The following RARS2 variants were observed in gnomAD, a reference collection of about 807,000 sequenced individuals.
RARS2 encodes probable arginine--tRNA ligase, mitochondrial.
In RARS2, 67 loss-of-function variants were observed where a neutral mutation model predicts 88.5. The ratio of observed to expected loss-of-function variants is 0.76; its 90% CI spans 0.62 to 0.93. The LOEUF (loss-of-function observed/expected upper bound fraction) is 0.93. Among genes scored for constraint, RARS2 ranks in the 40% least tolerant of loss-of-function variants. The pLI is 0.00. For missense variants in RARS2, 664 were observed against 684.2 expected, an observed-to-expected ratio of 0.97 and a Z score of 0.33; for synonymous variants, 239 against 230.3, an observed-to-expected ratio of 1.04 and a Z score of -0.34.
rs375583262 is a variant in RARS2 at position 87,545,612 on chromosome 6, T to C, written c.535+4A>G. 6 of 1,613,606 alleles carry C rather than the reference T, an allele frequency of 3.7e-6. No homozygotes were observed. Among genetic ancestry groups the C allele is most frequent in the Non-Finnish European group, 5.1e-6 (6 of 1,179,848 alleles). Reference sequence around the variant, plus strand: ...ATGAAAAATAAAATCTCAAGTGTACTTACCAAACTGCATGCCCCAATCGCC... The same window carrying C: ...ATGAAAAATAAAATCTCAAGTGTACCTACCAAACTGCATGCCCCAATCGCC... On this transcript the variant is annotated splice_donor_region_variant and intron_variant, in intron 7 of 19. Coordinates refer to ENST00000369536, the MANE Select transcript of RARS2 (RefSeq NM_020320.5).
chr6:87,577,622 G>C (rs552092096), intron 1 of RARS2, among the ~76,000 whole-genome samples: 1 of 152,156 alleles, frequency 6.6e-6, no homozygotes, highest in African/African-American at 2.4e-5. Context: ...AAAAAGATTG[G>C]TGGTAAGCAT....
At chr6:87,577,341 A>G (rs1224043022) in intron 1 of RARS2, among the ~76,000 whole-genome samples, 1 of 152,060 alleles carries the variant, frequency 6.6e-6, no homozygotes, top group Non-Finnish European at 1.5e-5. Context: ...ACAGGTGTAC[A>G]CCACCATGCC....
chr6:87,567,186 A>C (rs566679060), intron 2 of RARS2, among the ~76,000 whole-genome samples: 300 of 152,332 alleles, frequency 2.0e-3, no homozygotes, highest in African/African-American at 7.0e-3. Flanking sequence ...CAGGAGGCGG[A>C]GGTTGCAGTG....
chr6:87,523,350 T>C (rs915024081), intron 11 of RARS2, among the ~76,000 whole-genome samples: 1 of 152,206 alleles, frequency 6.6e-6, no homozygotes, highest in African/African-American at 2.4e-5. Context: ...ACTCTGTTCT[T>C]TTCAGTATTC....
intron 6 of RARS2, among the ~76,000 whole-genome samples, chr6:87,546,097 T>C (rs1280307778): frequency 6.6e-6 from 1 of 152,190 alleles, no homozygotes; most frequent in African/African-American, 2.4e-5. Flanking sequence ...CTTTTTGTGT[T>C]TTCTAAATAG....
intron 1 of RARS2, among the ~76,000 whole-genome samples, chr6:87,588,589 G>A (rs1431371920): frequency 6.6e-6 from 1 of 152,066 alleles, no homozygotes. Flanking sequence ...TGTCCACGCT[G>A]GTCTCGAACT....
rs140396830 is a variant in RARS2, at chr6:87,585,394, G to A, written c.36+4528C>T. 1.8e-4 allele frequency among the ~76,000 whole-genome samples: 27 copies of A among 152,276 alleles called. No individual in the cohort carries two copies. In the East Asian group the frequency reaches 3.5e-3, roughly 20 times the overall value. ...CATAGAAGCAAACAAGGGACTAAGA[G>A]AACTAGAGGACACACTTTTCAAATT... is the stretch of plus-strand genomic sequence containing the variant. On this transcript the variant is annotated intron_variant, in intron 1 of 19. Transcript: ENST00000369536.
chr6:87,519,148 AT>A, intron 14 of RARS2: 1 of 403,304 alleles, frequency 2.5e-6, no homozygotes, highest in Non-Finnish European at 4.6e-6. Flanking sequence ...GATTTTATAT[AT>A]ATATATGTAT....
rs572490025 is a variant in RARS2 at position 87,551,223 on chromosome 6, C to A, written c.396-2577G>T. 4.6e-5 allele frequency among the ~76,000 whole-genome samples: 7 copies of A among 152,252 alleles called. No individual in the cohort carries two copies. In the South Asian group the frequency reaches 1.5e-3, roughly 32 times the overall value. ...TGAAATGGAAGATACAAATTCAATT[C>A]TTTTGGCAACTGAAGTAGCTATTAT... On this transcript the variant is annotated intron_variant, in intron 5 of 19. Transcript: ENST00000369536.
chr6:87,586,884 A>G (rs1032581598), intron 1 of RARS2, among the ~76,000 whole-genome samples: 19 of 16,688 alleles, frequency 1.1e-3, no homozygotes, highest in African/African-American at 1.9e-3. Context: ...GGGGTTGGTT[A>G]TTTATTTATT....
rs567174218 is a variant in RARS2 at position 87,533,475 on chromosome 6, T to C, written c.613-2533A>G. On this transcript the variant is annotated intron_variant, in intron 8 of 19. Coordinates refer to ENST00000369536, the MANE Select transcript of RARS2 (RefSeq NM_020320.5). ...CCTTGGAAAGTACGCATTTTGAAGA[T>C]ATCTTCCTTTTAAGGCTAAATTTAG... Among the ~76,000 whole-genome samples the C allele has an allele frequency of 3.9e-5, 6 of 152,306 alleles. No individual in the cohort carries two copies. In the East Asian group the frequency reaches 9.6e-4, roughly 24 times the overall value.
rs1010568415 is a variant in RARS2 at position 87,562,657 on chromosome 6, C to G, written c.297+45G>C. On this transcript the variant is annotated intron_variant, in intron 4 of 19. Coordinates refer to ENST00000369536, the MANE Select transcript of RARS2 (RefSeq NM_020320.5). ...TGGAGGAAGACCACTGTGGCTGAAG[C>G]AGACAGAATGAAAGCACAATGGCTG... 2.8e-6 allele frequency: 4 copies of G among 1,425,062 alleles called. No individual in the cohort carries two copies. In the African/African-American group the frequency reaches 5.6e-5, roughly 20 times the overall value. The allele number at this position is 1,425,062 out of a possible 1,614,324, so 88.3% of individuals were successfully genotyped here.
intron 8 of RARS2, among the ~76,000 whole-genome samples, chr6:87,537,687 T>TA (rs1342019038): frequency 6.6e-6 from 1 of 152,024 alleles, no homozygotes; most frequent in Non-Finnish European, 1.5e-5. Context: ...TACAACTTGA[T>TA]ATGGAAAAAA....
chr6:87,577,449 A>G (rs1771916387), intron 1 of RARS2, among the ~76,000 whole-genome samples: 1 of 152,130 alleles, frequency 6.6e-6, no homozygotes. Context: ...ATCCTGCCCT[A>G]GCCTCCCAAA....
intron 8 of RARS2, among the ~76,000 whole-genome samples, chr6:87,531,525 G>C (rs985919970): frequency 8.5e-5 from 13 of 152,132 alleles, no homozygotes; most frequent in Non-Finnish European, 4.4e-5. Flanking sequence ...CAATACAATA[G>C]GTGATCTTGG....
chr6:87,577,849 A>G (rs999081465), intron 1 of RARS2, among the ~76,000 whole-genome samples: 1 of 152,190 alleles, frequency 6.6e-6, no homozygotes, highest in Non-Finnish European at 1.5e-5. Flanking sequence ...TTTTGTAAAA[A>G]CACTACGAAT....
chr6:87,545,588 T>C (rs1782377773), intron 7 of RARS2, 28 bp downstream of exon 7: 1 of 1,612,802 alleles, frequency 6.2e-7, no homozygotes, highest in African/African-American at 1.3e-5. Context: ...TACAATGAAA[T>C]GAAAAATAAA....
intron 4 of RARS2, among the ~76,000 whole-genome samples, chr6:87,561,704 TG>T (rs1787899636): frequency 6.6e-6 from 1 of 152,224 alleles, no homozygotes; most frequent in Non-Finnish European, 1.5e-5. Context: ...CTGATTTTAC[TG>T]TGACACTGAG....
chr6:87,572,199 A>G (rs561563460), intron 1 of RARS2, among the ~76,000 whole-genome samples: 1 of 152,308 alleles, frequency 6.6e-6, no homozygotes, highest in African/African-American at 2.4e-5. Context: ...TAGTTTTCAC[A>G]GCTGAAATAC....
Sources: gnomAD v4.1 joint callset for allele counts (sites outside exome capture counted in the v4.1 genomes callset) on GRCh38, gnomAD v4.1.1 for gene constraint, MANE v1.5 for transcripts, NCBI Gene and HGNC (gene_info 2026-07-23, HGNC 2026-07-21) for gene names.